Variants in OR10A6 observed in about 807,000 individuals in gnomAD.
OR10A6 encodes olfactory receptor 10A6.
A neutral mutation model predicts 1.5 loss-of-function variants in OR10A6; 2 were observed. That is an observed-to-expected ratio of 1.31 (90% CI 0.54 to 4.13). OR10A6 has a LOEUF of 4.13. Among genes scored for constraint, OR10A6 ranks in the 30% most tolerant of loss-of-function variants. OR10A6 has a pLI of 0.07. For synonymous variants in OR10A6, 169 were observed against 137.3 expected, an observed-to-expected ratio of 1.23 and a Z score of -1.61; for missense variants, 492 against 368.6, an observed-to-expected ratio of 1.33 and a Z score of -2.74.
At position 7,926,557 on chromosome 11, in the gene OR10A6, AG is replaced by A. The variant is rs1328633715; in HGVS notation, c.*1160del. 4.6e-5 allele frequency: 7 copies of A among 152,186 alleles called. No individual in the cohort carries two copies. Among genetic ancestry groups the A allele is most frequent in the East Asian group, 1.9e-4 (1 of 5,198 alleles). The allele number at this position is 152,186 out of a possible 1,614,324, so 9.4% of individuals were successfully genotyped here. A position where few individuals can be genotyped will look rare whatever the true frequency, so the allele number is the denominator to read the frequency against. On this transcript the variant is annotated 3_prime_UTR_variant, in exon 4 of 4. Coordinates refer to ENST00000641238, the MANE Select transcript of OR10A6 (RefSeq NM_001004461.2). ...GGCAGAAGGAGTAGTGAAGAAAAGAAGGGTTTTCCATCCAATGAATGATTGT... is the reference window on the plus strand; with the variant it reads ...GGCAGAAGGAGTAGTGAAGAAAAGAAGGTTTTCCATCCAATGAATGATTGT...
chr11:7,929,723 C>CATATATATATATATATATATATATAT lies in OR10A6; in HGVS notation c.-1087_-1062dup, dbSNP rs1554906034. 9 of 29,372 alleles carry CATATATATATATATATATATATATAT rather than the reference C, an allele frequency of 3.1e-4. No homozygotes were observed. Among genetic ancestry groups the CATATATATATATATATATATATATAT allele is most frequent in the Admixed American group, 5.2e-4 (1 of 1,924 alleles). 1.8% of individuals were successfully genotyped at this position (29,372 alleles called of 1,614,324 possible). ...CTTTCTCTCTCTCTTTCTATGTGTA[C>CATATATATATATATATATATATATAT]ATATATATATATATATATATATATA... On this transcript the variant is annotated 5_prime_UTR_variant, in exon 4 of 4. The change creates a new upstream start codon in the 5' untranslated region. Transcript: ENST00000641238.
chr11:7,927,841 C>T lies in OR10A6; in HGVS notation c.822G>A (p.Met274Ile), dbSNP rs751626375. Residue 274 changes from methionine to isoleucine, a missense_variant, in exon 4 of 4, where the codon ATG (methionine) becomes ATA (isoleucine). Physicochemically the swap from Met to Ile is conservative, Grantham distance 10. Transcript: ENST00000641238. ...SGYSPETKKV[M>I]SLSYSLLTPL... ...GTGTCAGAAGTGAGTAAGACAATGA[C>T]ATCACTTTCTTGGTTTCCGGTGAGT... The T allele has an allele frequency of 3.1e-6, 5 of 1,613,892 alleles. No homozygotes were observed. The Admixed American group carries it at 6.7e-5, about 22-fold the overall frequency.
At position 7,929,995 on chromosome 11, in the gene OR10A6, A is replaced by ATATATAT. The variant is rs57836826; in HGVS notation, c.-1334_-1333insATATATA. 81 of 63,114 alleles carry ATATATAT rather than the reference A, an allele frequency of 1.3e-3. 6 individuals are homozygous for ATATATAT. The highest frequency in any genetic ancestry group is 4.4e-3 in the African/African-American group (70 of 15,872). 3.9% of individuals were successfully genotyped at this position (63,114 alleles called of 1,614,324 possible). On this transcript the variant is annotated 5_prime_UTR_variant, in exon 4 of 4. Coordinates refer to ENST00000641238, the MANE Select transcript of OR10A6 (RefSeq NM_001004461.2). ...ATATATATATATATATATATATATA[A>ATATATAT]AATCCCTCACTAGAGCTTAGCTCCC...
Position 7,930,012 on chromosome 11 carries a change from T to G in OR10A6, c.-1350A>C, listed in dbSNP as rs1859505523. The G allele has an allele frequency of 1.7e-5, 1 of 58,838 alleles. No homozygotes were observed. Among genetic ancestry groups the G allele is most frequent in the African/African-American group, 7.0e-5 (1 of 14,310 alleles). The allele number at this position is 58,838 out of a possible 1,614,324, so 3.6% of individuals were successfully genotyped here. ...TATATATAAAATCCCTCACTAGAGC[T>G]TAGCTCCCAGAGGGCAAAGATTTTG... On this transcript the variant is annotated 5_prime_UTR_variant, in exon 4 of 4. Transcript: ENST00000641238.
In OR10A6 at chr11:7,927,637, A is replaced by C; in HGVS notation, c.*81T>G. On this transcript the variant is annotated 3_prime_UTR_variant, in exon 4 of 4. Transcript: ENST00000641238. The stretch of plus-strand genomic sequence containing the variant: ...AGTCATACTCATGCCAAAAAATGCA[A>C]ACTTAATGAATCTAAATTTATTAAA... 1.0e-6 allele frequency: 1 copy of C among 995,380 alleles called. No homozygotes were observed. The highest frequency in any genetic ancestry group is 1.5e-6 in the Non-Finnish European group (1 of 674,362). The allele number at this position is 995,380 out of a possible 1,614,324, so 61.7% of individuals were successfully genotyped here.
At position 7,926,170 on chromosome 11, in the gene OR10A6, C is replaced by T. The variant is rs1005655917; in HGVS notation, c.*1548G>A. ...CCCTAAAAGGTCCTGGACCCAGCCA[C>T]CATGGTGGGGCTTTCCTGCCTTCCA... On this transcript the variant is annotated 3_prime_UTR_variant, in exon 4 of 4. Coordinates refer to ENST00000641238, the MANE Select transcript of OR10A6 (RefSeq NM_001004461.2). 2.0e-5 allele frequency: 3 copies of T among 152,328 alleles called. No individual in the cohort carries two copies. Among genetic ancestry groups the T allele is most frequent in the Non-Finnish European group, 2.9e-5 (2 of 68,144 alleles). 9.4% of individuals were successfully genotyped at this position (152,328 alleles called of 1,614,324 possible).
chr11:7,928,000 A>G lies in OR10A6; in HGVS notation c.663T>C (p.Val221=). The change falls in exon 4 of 4, where the codon GTT becomes GTC. Residue 221 remains valine (V), a synonymous_variant. Coordinates refer to ENST00000641238, the MANE Select transcript of OR10A6 (RefSeq NM_001004461.2). ...FLLILLSYIR[V]LFAILKMPST... ...ATGGCATCTTCAGGATGGCAAACAG[A>G]ACTCGAATGTAAGACAAGAGTATCA... is the stretch of plus-strand genomic sequence containing the variant. 2 of 1,614,006 alleles carry G rather than the reference A, an allele frequency of 1.2e-6. No individual in the cohort carries two copies. Among genetic ancestry groups the G allele is most frequent in the Non-Finnish European group, 1.7e-6 (2 of 1,179,986 alleles).
rs4523689 is a variant in OR10A6, at chr11:7,929,250, A to G, written c.-588T>C. 0.38 allele frequency: 57,864 copies of G among 151,948 alleles called. 11,410 individuals carry two copies. Among genetic ancestry groups the G allele is most frequent in the East Asian group, 0.51 (2,641 of 5,154 alleles). 9.4% of individuals were successfully genotyped at this position (151,948 alleles called of 1,614,324 possible). ...GGGGATTTGAATTTTCAACACAACC[A>G]TATTAGGTGACCTATAGACTATGTG... On this transcript the variant is annotated 5_prime_UTR_variant, in exon 4 of 4. The change abolishes an upstream ATG in the 5' untranslated region. Coordinates refer to ENST00000641238, the MANE Select transcript of OR10A6 (RefSeq NM_001004461.2).
Position 7,929,418 on chromosome 11 carries a change from G to T in OR10A6, c.-756C>A, listed in dbSNP as rs1318511289. ...TGACTTAAGAAAAAAACCATTTGGG[G>T]GATCATTGTGTAATTTAAAAGATTT... On this transcript the variant is annotated 5_prime_UTR_variant, in exon 4 of 4. Coordinates refer to ENST00000641238, the MANE Select transcript of OR10A6 (RefSeq NM_001004461.2). 6.6e-6 allele frequency: 1 copy of T among 151,792 alleles called. No homozygotes were observed. The highest frequency in any genetic ancestry group is 1.9e-4 in the East Asian group (1 of 5,168). The allele number at this position is 151,792 out of a possible 1,614,324, so 9.4% of individuals were successfully genotyped here. A position where few individuals can be genotyped will look rare whatever the true frequency, so the allele number is the denominator to read the frequency against.
chr11:7,928,815 T>G lies in OR10A6; in HGVS notation c.-153A>C. 1 of 432,290 alleles carries G rather than the reference T, an allele frequency of 2.3e-6. No individual in the cohort carries two copies. Among genetic ancestry groups the G allele is most frequent in the Non-Finnish European group, 4.0e-6 (1 of 247,734 alleles). 26.8% of individuals were successfully genotyped at this position (432,290 alleles called of 1,614,324 possible). A position where few individuals can be genotyped will look rare whatever the true frequency, so the allele number is the denominator to read the frequency against. ...CTGACAGAAATTTTCTTTGGCAATT[T>G]TAGACAATGACCAAATACTTGGATT... is the stretch of plus-strand genomic sequence containing the variant. On this transcript the variant is annotated 5_prime_UTR_variant, in exon 4 of 4. Transcript: ENST00000641238.
chr11:7,927,793 G>C lies in OR10A6; in HGVS notation c.870C>G (p.Tyr290Ter), dbSNP rs770515212. Residue 290 changes from tyrosine (Y) to a stop codon, truncating the protein, a stop_gained, in exon 4 of 4, where the codon TAC (tyrosine) becomes TAG (stop). Coordinates refer to ENST00000641238, the MANE Select transcript of OR10A6 (RefSeq NM_001004461.2). LOFTEE classifies it low-confidence loss of function (END_TRUNC). ...TCTTCATCTCACTATTTCGCAAACT[G>C]TAGATAAGCAGATTCAGCAGTGGTG... ...LLTPLLNLLI[Y>*]SLRNSEMKRA... 2 of 1,613,966 alleles carry C rather than the reference G, an allele frequency of 1.2e-6. No individual in the cohort carries two copies. The highest frequency in any genetic ancestry group is 1.7e-5 in the Admixed American group (1 of 59,954).
At position 7,928,749 on chromosome 11, in the gene OR10A6, C is replaced by T. The variant is rs2133608342; in HGVS notation, c.-87G>A. ...TCCATTAGCTAAGAGTTCCAGTCTG[C>T]ATTCACCCCAGAAATTCTGGCAGAA... On this transcript the variant is annotated 5_prime_UTR_variant, in exon 4 of 4. The change abolishes an upstream ATG in the 5' untranslated region. Coordinates refer to ENST00000641238, the MANE Select transcript of OR10A6 (RefSeq NM_001004461.2). The T allele has an allele frequency of 2.2e-6, 2 of 925,636 alleles. No individual in the cohort carries two copies. Among genetic ancestry groups the T allele is most frequent in the Non-Finnish European group, 1.5e-6 (1 of 662,788 alleles). 57.3% of individuals were successfully genotyped at this position (925,636 alleles called of 1,614,324 possible).
Position 7,927,587 on chromosome 11 carries a change from T to A in OR10A6, c.*131A>T, listed in dbSNP as rs12273639. On this transcript the variant is annotated 3_prime_UTR_variant, in exon 4 of 4. Transcript: ENST00000641238. ...ATATAAAGATGCTCCTGATATACAA[T>A]CAAACTTGGAGAACACAATAAATTA... The A allele has an allele frequency of 0.36, 214,218 of 602,362 alleles. 39,083 individuals carry two copies. Among genetic ancestry groups the A allele is most frequent in the Admixed American group, 0.41 (12,933 of 31,258 alleles). 37.3% of individuals were successfully genotyped at this position (602,362 alleles called of 1,614,324 possible).
intron 3 of OR10A6, 108 bp downstream of exon 3, chr11:7,930,753 G>T (rs1308346353): frequency 6.6e-6 from 1 of 152,094 alleles, no homozygotes; most frequent in African/African-American, 2.4e-5. Context: ...AAAGTAGATT[G>T]GTTTTAAAAA....
At position 7,926,863 on chromosome 11, in the gene OR10A6, G is replaced by A. The variant is rs892857827; in HGVS notation, c.*855C>T. Reference sequence around the variant, plus strand: ...ATGACCCAAGGATAATAGAAAATAGGCACAATGAGGTAATCATATTTATGT... The same window carrying A: ...ATGACCCAAGGATAATAGAAAATAGACACAATGAGGTAATCATATTTATGT... On this transcript the variant is annotated 3_prime_UTR_variant, in exon 4 of 4. Coordinates refer to ENST00000641238, the MANE Select transcript of OR10A6 (RefSeq NM_001004461.2). 5 of 151,996 alleles carry A rather than the reference G, an allele frequency of 3.3e-5. No homozygotes were observed. The highest frequency in any genetic ancestry group is 3.3e-4 in the Admixed American group (5 of 15,234). 9.4% of individuals were successfully genotyped at this position (151,996 alleles called of 1,614,324 possible). A position where few individuals can be genotyped will look rare whatever the true frequency, so the allele number is the denominator to read the frequency against.
At position 7,929,755 on chromosome 11, in the gene OR10A6, T is replaced by TATATATATATATGTAC. The variant is rs55811645; in HGVS notation, c.-1094_-1093insGTACATATATATATAT. On this transcript the variant is annotated 5_prime_UTR_variant, in exon 4 of 4. The change abolishes the stop of an existing upstream ORF in the 5' untranslated region. Coordinates refer to ENST00000641238, the MANE Select transcript of OR10A6 (RefSeq NM_001004461.2). ...ATATATATATATATATATATATATA[T>TATATATATATATGTAC]ACACACACATGCACACATATATATA... is the stretch of plus-strand genomic sequence containing the variant. The TATATATATATATGTAC allele has an allele frequency of 1.0e-5, 1 of 97,272 alleles. No homozygotes were observed. The highest frequency in any genetic ancestry group is 3.2e-4 in the South Asian group (1 of 3,100). The allele number at this position is 97,272 out of a possible 1,614,324, so 6.0% of individuals were successfully genotyped here. A position where few individuals can be genotyped will look rare whatever the true frequency, so the allele number is the denominator to read the frequency against.
chr11:7,928,277 G>T lies in OR10A6; in HGVS notation c.386C>A (p.Pro129His), dbSNP rs751486458. ...ATTCATAATCATTTGGTAGTTGAGA[G>T]GATGGCAAATTGCAGCAAATCGGTC... ...AYDRFAAICHPLNYQMIMNKG... is the reference protein window; with the variant it reads ...AYDRFAAICHHLNYQMIMNKG... Residue 129 changes from proline (P) to histidine (H), a missense_variant, in exon 4 of 4, where the codon CCT becomes CAT. By Grantham distance (77) the Pro-to-His change is moderately conservative (BLOSUM62 -2). Coordinates refer to ENST00000641238, the MANE Select transcript of OR10A6 (RefSeq NM_001004461.2). 1 of 1,613,718 alleles carries T rather than the reference G, an allele frequency of 6.2e-7. No homozygotes were observed. The highest frequency in any genetic ancestry group is 8.5e-7 in the Non-Finnish European group (1 of 1,179,800).
In OR10A6 at chr11:7,931,213, T is replaced by C. The variant is rs1444822978; in HGVS notation, c.-1926A>G. 6.6e-6 allele frequency: 1 copy of C among 152,194 alleles called. No homozygotes were observed. Among genetic ancestry groups the C allele is most frequent in the Non-Finnish European group, 1.5e-5 (1 of 68,034 alleles). 9.4% of individuals were successfully genotyped at this position (152,194 alleles called of 1,614,324 possible). On this transcript the variant is annotated 5_prime_UTR_variant, in exon 1 of 4. Transcript: ENST00000641238. Reference sequence around the variant, plus strand: ...CTTTTTTACCTGTTGACTCTGTCTCTTTAATTTTCATACTACTTTATCAGA... The same window carrying C: ...CTTTTTTACCTGTTGACTCTGTCTCCTTAATTTTCATACTACTTTATCAGA...
chr11:7,928,446 A>G lies in OR10A6; in HGVS notation c.217T>C (p.Phe73Leu). Residue 73 changes from phenylalanine (F) to leucine (L), a missense_variant, in exon 4 of 4, where the codon TTC becomes CTC. Transcript: ENST00000641238. The stretch of plus-strand genomic sequence containing the variant: ...ATTTCAGGCATAATAACTGCACTGA[A>G]ACTCAGGTCCACCACAGATAAGTTC... ...LLNLSVVDLS[F>L]SAVIMPEMLV... 1 of 1,613,830 alleles carries G rather than the reference A, an allele frequency of 6.2e-7. No homozygotes were observed. The highest frequency in any genetic ancestry group is 8.5e-7 in the Non-Finnish European group (1 of 1,179,868).
Sources: allele counts gnomAD v4.1 joint callset, GRCh38; gene constraint gnomAD v4.1.1; transcripts MANE v1.5; gene names NCBI Gene and HGNC (gene_info 2026-07-23, HGNC 2026-07-21).